Variants in ADAMTS17 observed in about 807,000 individuals in gnomAD.
The protein encoded by ADAMTS17 is A disintegrin and metalloproteinase with thrombospondin motifs 17.
Under a neutral mutation model 141.5 loss-of-function variants are expected in ADAMTS17, and 113 were observed. That is an observed-to-expected ratio of 0.80 (90% confidence interval 0.69 to 0.93). The LOEUF (loss-of-function observed/expected upper bound fraction) is 0.93. ADAMTS17 is among the 40% of genes least tolerant of loss of function. The probability of loss-of-function intolerance (pLI) is 0.00; values close to 1 mark genes in which losing one functional copy is unlikely to be tolerated. For missense variants in ADAMTS17, 1,659 were observed against 1,517.9 expected, an observed-to-expected ratio of 1.09 and a Z score of -1.54; for synonymous variants, 768 against 630.6, an observed-to-expected ratio of 1.22 and a Z score of -3.27.
rs980651065 is a variant in ADAMTS17 at position 100,132,210 on chromosome 15, C to T, written c.1576-58G>A. The T allele has an allele frequency of 8.2e-6, 13 of 1,580,616 alleles. No individual in the cohort carries two copies. In the South Asian group the frequency reaches 1.5e-4, roughly 18 times the overall value. On this transcript the variant is annotated intron_variant, in intron 11 of 21. Transcript: ENST00000268070. Reference sequence around the variant, plus strand: ...CACTCAGCAGAGCTGCTCACTCCAGCCCGCCAGGCCCCAAAATGCCGTGCT... The same window carrying T: ...CACTCAGCAGAGCTGCTCACTCCAGTCCGCCAGGCCCCAAAATGCCGTGCT...
chr15:100,061,506 G>A (rs2141656836), intron 15 of ADAMTS17, among the ~76,000 whole-genome samples: 1 of 152,336 alleles, frequency 6.6e-6, no homozygotes, highest in South Asian at 2.1e-4. Context: ...CTCCTGGGTG[G>A]CACCTGCTAG....
intron 3 of ADAMTS17, among the ~76,000 whole-genome samples, chr15:100,328,272 T>G (rs1248694290): frequency 6.6e-6 from 1 of 152,212 alleles, no homozygotes; most frequent in Non-Finnish European, 1.5e-5. Context: ...ACTCCTGATG[T>G]TTGAAAGCTA....
intron 3 of ADAMTS17, among the ~76,000 whole-genome samples, chr15:100,290,251 T>C (rs1389620685): frequency 6.6e-6 from 1 of 151,978 alleles, no homozygotes; most frequent in East Asian, 1.9e-4. Context: ...GCAATCCCAC[T>C]AACAATAACA....
chr15:100,240,397 G>A (rs755086668), intron 7 of ADAMTS17, among the ~76,000 whole-genome samples: 1 of 152,238 alleles, frequency 6.6e-6, no homozygotes, highest in South Asian at 2.1e-4. Context: ...ATGCCACTGT[G>A]GCCGAAGGAT....
intron 15 of ADAMTS17, among the ~76,000 whole-genome samples, chr15:100,057,053 T>C (rs572574415): frequency 9.8e-4 from 149 of 152,186 alleles, no homozygotes; most frequent in Non-Finnish European, 1.8e-3. Context: ...GGTGTGTGGC[T>C]GCCTGCAGTG....
At chr15:100,291,468 ACTACC>A (rs1236708568) in intron 3 of ADAMTS17, among the ~76,000 whole-genome samples, 13 of 152,314 alleles carry the variant, frequency 8.5e-5, no homozygotes, top group African/African-American at 2.9e-4. Context: ...TTAACACAGA[ACTACC>A]ATTCAACCCA....
chr15:100,333,800 T>A (rs1271038921), intron 2 of ADAMTS17, among the ~76,000 whole-genome samples: 2 of 152,216 alleles, frequency 1.3e-5, no homozygotes, highest in African/African-American at 2.4e-5. Flanking sequence ...GAAGAAACAC[T>A]AGCTATGAGC....
chr15:100,067,490 T>C (rs2033623350), intron 15 of ADAMTS17, among the ~76,000 whole-genome samples: 1 of 152,214 alleles, frequency 6.6e-6, no homozygotes, highest in Admixed American at 6.5e-5. Context: ...ACCTTTAACG[T>C]CTAAGAACTA....
intron 3 of ADAMTS17, among the ~76,000 whole-genome samples, chr15:100,292,073 AG>A (rs200993577): frequency 5.2e-5 from 7 of 134,278 alleles, no homozygotes; most frequent in Non-Finnish European, 1.1e-4. Context: ...AGAGACGCTC[AG>A]CCCGTGGGGA....
At chr15:100,087,479 C>T (rs1230431209) in intron 15 of ADAMTS17, among the ~76,000 whole-genome samples, 2 of 152,218 alleles carry the variant, frequency 1.3e-5, no homozygotes, top group Non-Finnish European at 2.9e-5. Flanking sequence ...TCCTCCCTAA[C>T]TCATTTTATG....
chr15:99,986,787 C>T (rs995731704), intron 20 of ADAMTS17, among the ~76,000 whole-genome samples: 29 of 152,126 alleles, frequency 1.9e-4, no homozygotes, highest in Middle Eastern at 3.2e-3. Flanking sequence ...TTTTAAGGGC[C>T]CGCCACCCCC....
chr15:100,271,330 T>C (rs1385840477), intron 4 of ADAMTS17, among the ~76,000 whole-genome samples: 5 of 152,356 alleles, frequency 3.3e-5, no homozygotes, highest in African/African-American at 9.6e-5. Flanking sequence ...CCATTTTCTA[T>C]ATATTCCCAC....
intron 15 of ADAMTS17, among the ~76,000 whole-genome samples, chr15:100,083,569 T>C (rs1333079278): frequency 1.3e-5 from 2 of 152,090 alleles, no homozygotes; most frequent in Non-Finnish European, 2.9e-5. Context: ...AGTTTAGCAG[T>C]GTCCTTCAGC....
chr15:100,020,145 G>T (rs2727108), intron 18 of ADAMTS17, among the ~76,000 whole-genome samples: 100,698 of 151,960 alleles, frequency 0.66, 34,084 homozygotes, highest in Non-Finnish European at 0.75. Flanking sequence ...CCAGTGGGAG[G>T]CCCTGCCCTG....
chr15:100,259,770 G>A (rs918079233), intron 6 of ADAMTS17, among the ~76,000 whole-genome samples: 7 of 152,330 alleles, frequency 4.6e-5, no homozygotes, highest in South Asian at 2.1e-4. Flanking sequence ...GCTGGCAATC[G>A]ACGAACCATC....
intron 7 of ADAMTS17, among the ~76,000 whole-genome samples, chr15:100,220,299 A>G (rs1300225204): frequency 2.0e-5 from 3 of 152,148 alleles, no homozygotes; most frequent in Non-Finnish European, 4.4e-5. Flanking sequence ...TTTTTTGTTG[A>G]ACTGAAATAA....
At chr15:100,337,750 G>T (rs1273705691) in intron 2 of ADAMTS17, among the ~76,000 whole-genome samples, 2 of 152,232 alleles carry the variant, frequency 1.3e-5, no homozygotes, top group East Asian at 1.9e-4. Context: ...CCCTCCTCTC[G>T]TTCACTCTTC....
chr15:99,977,112 G>C (rs1274725584), intron 20 of ADAMTS17, among the ~76,000 whole-genome samples: 6 of 151,970 alleles, frequency 3.9e-5, no homozygotes, highest in Non-Finnish European at 8.8e-5. Flanking sequence ...GAGGATTGGG[G>C]CTTAGAATTA....
intron 8 of ADAMTS17, among the ~76,000 whole-genome samples, chr15:100,156,028 T>C (rs535842286): frequency 1.3e-5 from 2 of 152,318 alleles, no homozygotes; most frequent in Non-Finnish European, 2.9e-5. Context: ...CCAACGTGTA[T>C]AAGGATGACC....
Sources: allele counts gnomAD v4.1 joint callset (sites outside exome capture counted in the v4.1 genomes callset), GRCh38; gene constraint gnomAD v4.1.1; transcripts MANE v1.5; gene names NCBI Gene and HGNC (gene_info 2026-07-23, HGNC 2026-07-21).